Variants in GRAP2 observed in about 807,000 individuals in gnomAD.
GRAP2 encodes the protein GRB2 related adaptor protein 2, also known as GRB2-related adapter protein 2.
In GRAP2, 31 loss-of-function variants were observed where a neutral mutation model predicts 43.5. The observed-to-expected ratio is 0.71, with a 90% CI of 0.54 to 0.96. The LOEUF (loss-of-function observed/expected upper bound fraction) is 0.96, where lower values mean the gene tolerates loss of function less well. GRAP2 is among the 40% of genes least tolerant of loss of function. The pLI, the probability that GRAP2 is intolerant of heterozygous loss-of-function variation, is 0.00. For synonymous variants in GRAP2, 156 were observed against 164.8 expected, an observed-to-expected ratio of 0.95 and a Z score of 0.41; for missense variants, 371 against 424.4, an observed-to-expected ratio of 0.87 and a Z score of 1.11.
intron 1 of GRAP2, among the ~76,000 whole-genome samples, chr22:39,938,114 A>G (rs1187563718): frequency 2.0e-5 from 3 of 152,144 alleles, no homozygotes; most frequent in Non-Finnish European, 4.4e-5. Context: ...AGGGGAGGGG[A>G]TAGGCCCTGC....
intron 1 of GRAP2, among the ~76,000 whole-genome samples, chr22:39,917,090 G>A (rs1288699578): frequency 6.6e-6 from 1 of 152,172 alleles, no homozygotes; most frequent in Non-Finnish European, 1.5e-5. Context: ...GAAGTTGGGG[G>A]AAAGATCAGA....
At chr22:39,915,477 G>A (rs956957517) in intron 1 of GRAP2, among the ~76,000 whole-genome samples, 13 of 152,042 alleles carry the variant, frequency 8.6e-5, no homozygotes, top group African/African-American at 2.4e-4. Flanking sequence ...AGCCACAATC[G>A]TGTCATCCTC....
Position 39,966,045 on chromosome 22 carries a change from T to C in GRAP2, c.346T>C (p.Phe116Leu), listed in dbSNP as rs751130456. The change falls in exon 5 of 8, where the codon TTT becomes CTT. Residue 116 changes from phenylalanine (F) to leucine (L), a missense_variant. Physicochemically the swap from Phe to Leu is conservative, Grantham distance 22. Transcript: ENST00000344138. ...CATGCGAGACAACAAGGGTAATTAC[T>C]TTCTGTGGACTGAGAAGTTTCCATC... ...KVMRDNKGNY[F>L]LWTEKFPSLN... is the part of the protein sequence containing the mutation. 1 of 1,614,022 alleles carries C rather than the reference T, an allele frequency of 6.2e-7. No individual in the cohort carries two copies. Among genetic ancestry groups the C allele is most frequent in the South Asian group, 1.1e-5 (1 of 91,078 alleles).
At chr22:39,908,043 C>T (rs577014293) in intron 1 of GRAP2, among the ~76,000 whole-genome samples, 14 of 152,326 alleles carry the variant, frequency 9.2e-5, no homozygotes, top group South Asian at 4.1e-4. Flanking sequence ...GAGCTACCCA[C>T]GTGATCTTAA....
At chr22:39,941,072 A>C (rs1429741076) in intron 1 of GRAP2, among the ~76,000 whole-genome samples, 4 of 152,288 alleles carry the variant, frequency 2.6e-5, no homozygotes, top group Admixed American at 2.6e-4. Context: ...GTGGGAAGTT[A>C]ATTGATCCTT....
intron 1 of GRAP2, among the ~76,000 whole-genome samples, chr22:39,923,974 G>T (rs904259231): frequency 6.6e-6 from 1 of 152,108 alleles, no homozygotes; most frequent in African/African-American, 2.4e-5. Flanking sequence ...AAAATCCCAC[G>T]TGCTGCTCAC....
At chr22:39,928,287 C>T (rs988038890) in intron 1 of GRAP2, among the ~76,000 whole-genome samples, 1 of 152,138 alleles carries the variant, frequency 6.6e-6, no homozygotes, top group Admixed American at 6.5e-5. Context: ...AACAAATTAC[C>T]ACTTACATGA....
At chr22:39,933,583 G>A (rs2066777379) in intron 1 of GRAP2, among the ~76,000 whole-genome samples, 1 of 152,120 alleles carries the variant, frequency 6.6e-6, no homozygotes, top group African/African-American at 2.4e-5. Context: ...GCTCACGTCT[G>A]TAATTCCAGC....
chr22:39,915,349 T>G (rs2066595789), intron 1 of GRAP2, among the ~76,000 whole-genome samples: 1 of 152,168 alleles, frequency 6.6e-6, no homozygotes, highest in African/African-American at 2.4e-5. Flanking sequence ...TGAGCAGGCA[T>G]TGACCCCACA....
chr22:39,956,889 C>A (rs1357003560), intron 3 of GRAP2, among the ~76,000 whole-genome samples: 1 of 152,142 alleles, frequency 6.6e-6, no homozygotes, highest in East Asian at 1.9e-4. Context: ...GAGCTGCTCT[C>A]CTAAGCGCTT....
intron 2 of GRAP2, chr22:39,947,715 A>T (rs1253937594): frequency 6.5e-6 from 1 of 154,482 alleles, no homozygotes; most frequent in Non-Finnish European, 1.4e-5. Context: ...AAGGCCATGC[A>T]CACCTGGCCA....
In GRAP2 at chr22:39,971,867, C is replaced by A. The variant is rs541483913; in HGVS notation, c.*783C>A. ...TCCCCAGCTATGAAGGAAATAGCAT[C>A]CTACATTCCGTAAAGTGCTTGAAGA... On this transcript the variant is annotated 3_prime_UTR_variant, in exon 8 of 8. Coordinates refer to ENST00000344138, the MANE Select transcript of GRAP2 (RefSeq NM_004810.4). 2.0e-5 allele frequency: 3 copies of A among 152,360 alleles called. No individual in the cohort carries two copies. The highest frequency in any genetic ancestry group is 4.4e-5 in the Non-Finnish European group (3 of 68,034). 9.4% of individuals were successfully genotyped at this position (152,360 alleles called of 1,614,324 possible). A position where few individuals can be genotyped will look rare whatever the true frequency, so the allele number is the denominator to read the frequency against.
chr22:39,937,907 A>G (rs1352732850), intron 1 of GRAP2, among the ~76,000 whole-genome samples: 1 of 152,248 alleles, frequency 6.6e-6, no homozygotes, highest in Non-Finnish European at 1.5e-5. Context: ...CATATACATT[A>G]TACTTAAAGA....
intron 1 of GRAP2, among the ~76,000 whole-genome samples, chr22:39,939,711 C>T (rs1391235050): frequency 6.6e-6 from 1 of 152,098 alleles, no homozygotes; most frequent in Non-Finnish European, 1.5e-5. Flanking sequence ...GAGTTCAAGA[C>T]CAGCCTGGCC....
At chr22:39,916,780 C>T (rs551894250) in intron 1 of GRAP2, among the ~76,000 whole-genome samples, 92 of 152,234 alleles carry the variant, frequency 6.0e-4, no homozygotes, top group African/African-American at 2.0e-3. Context: ...TTTTTTAGCA[C>T]ATTAAAAACA....
At chr22:39,943,144 G>A (rs1390508961) in intron 1 of GRAP2, among the ~76,000 whole-genome samples, 3 of 152,098 alleles carry the variant, frequency 2.0e-5, no homozygotes, top group Non-Finnish European at 4.4e-5. Flanking sequence ...TTTCTTGCCG[G>A]GTGCCATTTT....
intron 1 of GRAP2, among the ~76,000 whole-genome samples, chr22:39,905,595 G>C (rs1161522006): frequency 6.6e-6 from 1 of 152,076 alleles, no homozygotes; most frequent in African/African-American, 2.4e-5. Flanking sequence ...CTAAAACAGT[G>C]CCTGTTATTA....
intron 2 of GRAP2, among the ~76,000 whole-genome samples, chr22:39,953,125 C>A (rs537115780): frequency 6.6e-6 from 1 of 152,212 alleles, no homozygotes; most frequent in South Asian, 2.1e-4. Context: ...AGAAAGAAGC[C>A]CAAGGGCCCT....
rs2066926537 is a variant in GRAP2 at position 39,946,780 on chromosome 22, G to A, written c.-14-313G>A. 8 of 282,594 alleles carry A rather than the reference G, an allele frequency of 2.8e-5. No individual in the cohort carries two copies. The South Asian group carries it at 4.1e-4, about 14-fold the overall frequency. The allele number at this position is 282,594 out of a possible 1,614,324, so 17.5% of individuals were successfully genotyped here. A position where few individuals can be genotyped will look rare whatever the true frequency, so the allele number is the denominator to read the frequency against. ...AGCAAGCCTTCCCTCCTTATCAGCTGCAAACAGAGATGCCCCCAAAAGTGG... is the reference window on the plus strand; with the variant it reads ...AGCAAGCCTTCCCTCCTTATCAGCTACAAACAGAGATGCCCCCAAAAGTGG... On this transcript the variant is annotated intron_variant, in intron 1 of 7. Transcript: ENST00000344138.
Sources: gnomAD v4.1 joint callset for allele counts (sites outside exome capture counted in the v4.1 genomes callset) on GRCh38, gnomAD v4.1.1 for gene constraint, MANE v1.5 for transcripts, NCBI Gene and HGNC (gene_info 2026-07-23, HGNC 2026-07-21) for gene names.